The following PTCD1 variants were observed in gnomAD, a reference collection of about 807,000 sequenced individuals.
PTCD1 encodes the protein pentatricopeptide repeat-containing protein 1, mitochondrial.
A neutral mutation model predicts 53.4 loss-of-function variants in PTCD1; 50 were observed. The ratio of observed to expected loss-of-function variants is 0.94; its 90% CI spans 0.75 to 1.19. The LOEUF is 1.19. Among genes scored for constraint, PTCD1 ranks in the 50% most tolerant of loss-of-function variants. PTCD1 has a pLI of 0.00. For synonymous variants in PTCD1, 413 were observed against 394.8 expected, an observed-to-expected ratio of 1.05 and a Z score of -0.55; for missense variants, 918 against 904.8, an observed-to-expected ratio of 1.01 and a Z score of -0.19.
rs1167963550 is a variant in PTCD1, at chr7:99,417,949, A to G, written c.*2018T>C. 4.9e-6 allele frequency: 6 copies of G among 1,226,738 alleles called. No homozygotes were observed. The Admixed American group carries it at 2.3e-4, about 46-fold the overall frequency. 76.0% of individuals were successfully genotyped at this position (1,226,738 alleles called of 1,614,324 possible). On this transcript the variant is annotated 3_prime_UTR_variant, in exon 8 of 8. Transcript: ENST00000292478. Reference sequence around the variant, plus strand: ...TGTCCCTTTCAGTCCTCACAGTGATACTTTAACATTACCATCACTATCTTT... The same window carrying G: ...TGTCCCTTTCAGTCCTCACAGTGATGCTTTAACATTACCATCACTATCTTT...
chr7:99,425,242 G>T lies in PTCD1; in HGVS notation c.1290C>A (p.Ala430=). 1 of 1,612,342 alleles carries T rather than the reference G, an allele frequency of 6.2e-7. No individual in the cohort carries two copies. The highest frequency in any genetic ancestry group is 8.5e-7 in the Non-Finnish European group (1 of 1,178,722). Reference sequence around the variant, plus strand: ...CCAGCTCCACGGGAGGTGGCTTCAGGGCCACTGCGGTGAGGGCTGCTGTGT... The same window carrying T: ...CCAGCTCCACGGGAGGTGGCTTCAGTGCCACTGCGGTGAGGGCTGCTGTGT... ...PSHTAALTAV[A]LKPPPVELEV... is the part of the protein sequence containing the mutation. The change falls in exon 6 of 8, where the codon GCC becomes GCA. Residue 430 remains alanine (A), a synonymous_variant. Transcript: ENST00000292478.
chr7:99,436,263 T>C (rs1796462400), intron 1 of PTCD1, among the ~76,000 whole-genome samples: 1 of 151,880 alleles, frequency 6.6e-6, no homozygotes, highest in Non-Finnish European at 1.5e-5. Context: ...TAGAGTCTGG[T>C]TATATTAGAA....
chr7:99,420,068 C>T lies in PTCD1; in HGVS notation c.2002G>A (p.Glu668Lys), dbSNP rs149231597. The T allele has an allele frequency of 5.0e-6, 8 of 1,614,110 alleles. No individual in the cohort carries two copies. Among genetic ancestry groups the T allele is most frequent in the Non-Finnish European group, 6.8e-6 (8 of 1,180,038 alleles). The change falls in exon 8 of 8, where the codon GAG becomes AAG. Residue 668 changes from glutamate (E) to lysine (K), a missense_variant. Transcript: ENST00000292478. ...TTCTGCCAGGGGTGCGGGGTTTCCTCTGCGGGCATCACTGTCAGCCACTGC... is the reference window on the plus strand; with the variant it reads ...TTCTGCCAGGGGTGCGGGGTTTCCTTTGCGGGCATCACTGTCAGCCACTGC... ...YKQWLTVMPA[E>K]ETPHPWQKFR...
At chr7:99,438,419 C>T (rs921533714) in intron 1 of PTCD1, 9 of 714,138 alleles carry the variant, frequency 1.3e-5, no homozygotes, top group African/African-American at 9.9e-5. Context: ...GAGCTATGAT[C>T]GTACCCCTGT....
At position 99,419,934 on chromosome 7, in the gene PTCD1, G is replaced by C. The variant is rs375369166; in HGVS notation, c.*33C>G. ...GTCCTGGGGCTCCCACAGAGCACTG[G>C]GGGCCGAGCACATTGTTCCAGCTGT... On this transcript the variant is annotated 3_prime_UTR_variant, in exon 8 of 8. Transcript: ENST00000292478. 151 of 1,613,368 alleles carry C rather than the reference G, an allele frequency of 9.4e-5. No homozygotes were observed. Among genetic ancestry groups the C allele is most frequent in the Non-Finnish European group, 1.2e-4 (144 of 1,180,004 alleles).
chr7:99,435,889 C>G (rs1487206480), intron 1 of PTCD1, among the ~76,000 whole-genome samples: 1 of 150,040 alleles, frequency 6.7e-6, no homozygotes, highest in South Asian at 2.1e-4. Context: ...GAGCTGAGAT[C>G]GCGCCACTGC....
At position 99,424,990 on chromosome 7, in the gene PTCD1, G is replaced by A. The variant is rs756107991; in HGVS notation, c.1542C>T (p.His514=). Reference sequence around the variant, plus strand: ...AGAATGTCAGGTCGGCCTCTACCTGGTGCTCATCCAGGAGGGCCAGCAGCA... The same window carrying A: ...AGAATGTCAGGTCGGCCTCTACCTGATGCTCATCCAGGAGGGCCAGCAGCA... ...ESLLLALLDE[H]QVEADLTFFN... Residue 514 remains histidine, a synonymous_variant, in exon 6 of 8, where the codon CAC becomes CAT. Transcript: ENST00000292478. 3.1e-6 allele frequency: 5 copies of A among 1,614,224 alleles called. No individual in the cohort carries two copies. In the East Asian group the frequency reaches 1.1e-4, roughly 36 times the overall value.
chr7:99,417,652 G>T lies in PTCD1; in HGVS notation c.*2315C>A, dbSNP rs73711218. Reference sequence around the variant, plus strand: ...TTCAGCTCAAAATTCTGCCTTAGTCGACTGCAAGGGATCTTATGTTATTTG... The same window carrying T: ...TTCAGCTCAAAATTCTGCCTTAGTCTACTGCAAGGGATCTTATGTTATTTG... On this transcript the variant is annotated 3_prime_UTR_variant, in exon 8 of 8. Transcript: ENST00000292478. 1.3e-6 allele frequency: 2 copies of T among 1,596,730 alleles called. No homozygotes were observed. The highest frequency in any genetic ancestry group is 2.2e-5 in the South Asian group (2 of 90,222).
chr7:99,436,036 C>T (rs982762254), intron 1 of PTCD1, among the ~76,000 whole-genome samples: 6 of 152,116 alleles, frequency 3.9e-5, no homozygotes, highest in Admixed American at 2.6e-4. Flanking sequence ...GCCCCACCCT[C>T]CTGTGCTCAA....
chr7:99,433,163 T>G (rs1347081247), intron 3 of PTCD1, 115 bp downstream of exon 3: 16 of 1,530,118 alleles, frequency 1.0e-5, no homozygotes, highest in Non-Finnish European at 1.4e-5. Flanking sequence ...GAGATGACTC[T>G]GAGGCCAGGG....
rs538287771 is a variant in PTCD1, at chr7:99,428,738, A to AAATG, written c.915+361_915+364dup. ...CAAGAGTGAGACTCCATCTCAAAAT[A>AAATG]AATGAATGAATGAATGAATGAATGA... On this transcript the variant is annotated intron_variant, in intron 5 of 7. Transcript: ENST00000292478. 2.6e-3 allele frequency among the ~76,000 whole-genome samples: 398 copies of AAATG among 152,200 alleles called. 2 individuals are homozygous for AAATG. Among genetic ancestry groups the AAATG allele is most frequent in the African/African-American group, 7.1e-3 (293 of 41,522 alleles).
At position 99,435,010 on chromosome 7, in the gene PTCD1, G is replaced by C; in HGVS notation, c.233C>G (p.Thr78Arg). Reference protein sequence around the residue: ...SDPSHSNSTATQEEDEEEEES... With the variant: ...SDPSHSNSTARQEEDEEEEES... ...CTCCTCCTCCTCGTCTTCTTCCTGC[G>C]TGGCCGTGGAGTTGGAGTGGCTCGG... Residue 78 changes from threonine (T) to arginine (R), a missense_variant, in exon 2 of 8, where the codon ACG (threonine) becomes AGG (arginine). Physicochemically the swap from Thr to Arg is moderately conservative, Grantham distance 71. Transcript: ENST00000292478. 3 of 1,614,098 alleles carry C rather than the reference G, an allele frequency of 1.9e-6. No homozygotes were observed. Among genetic ancestry groups the C allele is most frequent in the Non-Finnish European group, 2.5e-6 (3 of 1,179,990 alleles).
intron 7 of PTCD1, among the ~76,000 whole-genome samples, chr7:99,420,714 T>C (rs1795768251): frequency 6.6e-6 from 1 of 152,174 alleles, no homozygotes; most frequent in East Asian, 1.9e-4. Context: ...CCCAGCACTT[T>C]GAGAGGCCGA....
At position 99,438,748 on chromosome 7, in the gene PTCD1, A is replaced by C; in HGVS notation, c.-83T>G. 1 of 1,322,556 alleles carries C rather than the reference A, an allele frequency of 7.6e-7. No homozygotes were observed. Among genetic ancestry groups the C allele is most frequent in the East Asian group, 4.9e-5 (1 of 20,218 alleles). 81.9% of individuals were successfully genotyped at this position (1,322,556 alleles called of 1,614,324 possible). A position where few individuals can be genotyped will look rare whatever the true frequency, so the allele number is the denominator to read the frequency against. ...GGAGCCCTGCCCGGTCCCCGCGGCG[A>C]ACCAGTCTCTTCCTCGGGTCCCCCT... On this transcript the variant is annotated 5_prime_UTR_variant, in exon 1 of 8. Transcript: ENST00000292478.
Position 99,425,105 on chromosome 7 carries a change from C to T in PTCD1, c.1427G>A (p.Ser476Asn). The T allele has an allele frequency of 6.2e-7, 1 of 1,614,042 alleles. No individual in the cohort carries two copies. The highest frequency in any genetic ancestry group is 8.5e-7 in the Non-Finnish European group (1 of 1,180,002). ...ALIGGLEGFLSKMAEHRQQPD... is the reference protein window; with the variant it reads ...ALIGGLEGFLNKMAEHRQQPD... ...CTGCTGCCTGTGCTCTGCCATCTTG[C>T]TCAGGAAGCCCTCCAGGCCCCCTAT... Residue 476 changes from serine to asparagine, a missense_variant, in exon 6 of 8, where the codon AGC (serine) becomes AAC (asparagine). By Grantham distance (46) the Ser-to-Asn change is conservative. Coordinates refer to ENST00000292478, the MANE Select transcript of PTCD1 (RefSeq NM_015545.4).
intron 2 of PTCD1, among the ~76,000 whole-genome samples, chr7:99,434,380 C>T (rs753114758): frequency 3.0e-4 from 46 of 152,086 alleles, no homozygotes; most frequent in Non-Finnish European, 5.4e-4. Context: ...CCCCAGGAGG[C>T]GGAGGCTGCA....
Position 99,419,990 on chromosome 7 carries a change from C to G in PTCD1, c.2080G>C (p.Gly694Arg), listed in dbSNP as rs139817209. The change falls in exon 8 of 8, where the codon GGA becomes CGA. Residue 694 changes from glycine to arginine, a missense_variant. Coordinates refer to ENST00000292478, the MANE Select transcript of PTCD1 (RefSeq NM_015545.4). ...DQDTGKEADD[G>R]CALGGR ...CATCACCTGCCCCCAAGGGCACATC[C>G]GTCATCAGCCTCCTTGCCGGTGTCC... 2.7e-5 allele frequency: 44 copies of G among 1,614,226 alleles called. No homozygotes were observed. In the Admixed American group the frequency reaches 6.7e-4, roughly 24 times the overall value.
chr7:99,423,673 C>A, intron 7 of PTCD1, 102 bp downstream of exon 7: 1 of 1,587,706 alleles, frequency 6.3e-7, no homozygotes, highest in South Asian at 1.1e-5. Context: ...CAGTTTCAAG[C>A]ATGGCAACAC....
At chr7:99,437,746 C>T (rs1193155557) in intron 1 of PTCD1, among the ~76,000 whole-genome samples, 1 of 151,832 alleles carries the variant, frequency 6.6e-6, no homozygotes, top group Non-Finnish European at 1.5e-5. Flanking sequence ...CTCAATGCAA[C>T]CTCTGCCTCC....
Sources: gnomAD v4.1 joint callset for allele counts (sites outside exome capture counted in the v4.1 genomes callset) on GRCh38, gnomAD v4.1.1 for gene constraint, MANE v1.5 for transcripts, NCBI Gene and HGNC (gene_info 2026-07-23, HGNC 2026-07-21) for gene names.